The following GOLPH3 variants were observed in gnomAD, a reference collection of about 807,000 sequenced individuals.
GOLPH3 encodes coat protein GPP34.
A neutral mutation model predicts 28.5 loss-of-function variants in GOLPH3; 14 were observed. The ratio of observed to expected loss-of-function variants is 0.49; its 90% CI spans 0.32 to 0.77. GOLPH3 has a LOEUF of 0.77. Among genes scored for constraint, GOLPH3 ranks in the 30% least tolerant of loss-of-function variants. The pLI is 0.03. For synonymous variants in GOLPH3, 158 were observed against 159.2 expected, an observed-to-expected ratio of 0.99 and a Z score of 0.06; for missense variants, 350 against 393.7, an observed-to-expected ratio of 0.89 and a Z score of 0.94.
intron 3 of GOLPH3, among the ~76,000 whole-genome samples, chr5:32,134,510 A>AAAAAT (rs1745891069): frequency 6.6e-6 from 1 of 150,808 alleles, no homozygotes; most frequent in Non-Finnish European, 1.5e-5. Context: ...TGCCTGGCCA[A>AAAAAT]AAAATAAAAT....
chr5:32,126,608 A>C lies in GOLPH3; in HGVS notation c.501T>G (p.His167Gln), dbSNP rs770605043. ...SGETWNPLKL[H>Q]YQLRNVRERL... Reference sequence around the variant, plus strand: ...GTTCCCGTACATTTCTTAACTGATAATGCAATTTTAATGGATTCCATGTCT... The same window carrying C: ...GTTCCCGTACATTTCTTAACTGATACTGCAATTTTAATGGATTCCATGTCT... Residue 167 changes from histidine (H) to glutamine (Q), a missense_variant, in exon 4 of 4, where the codon CAT becomes CAG. Physicochemically the swap from His to Gln is conservative, Grantham distance 24 (BLOSUM62 0). Coordinates refer to ENST00000265070, the MANE Select transcript of GOLPH3 (RefSeq NM_022130.4). 9 of 1,613,232 alleles carry C rather than the reference A, an allele frequency of 5.6e-6. No homozygotes were observed. The South Asian group carries it at 8.8e-5, about 16-fold the overall frequency.
At chr5:32,167,733 T>C (rs1746747854) in intron 1 of GOLPH3, among the ~76,000 whole-genome samples, 1 of 152,154 alleles carries the variant, frequency 6.6e-6, no homozygotes, top group South Asian at 2.1e-4. Context: ...GGAAGATTGC[T>C]TGAGGCCAGG....
At chr5:32,163,856 T>G (rs560641435) in intron 1 of GOLPH3, among the ~76,000 whole-genome samples, 1 of 152,280 alleles carries the variant, frequency 6.6e-6, no homozygotes, top group African/African-American at 2.4e-5. Context: ...GAACTGAAAT[T>G]TAAGTTCTTA....
intron 1 of GOLPH3, among the ~76,000 whole-genome samples, chr5:32,146,117 C>A (rs1746176315): frequency 6.6e-6 from 1 of 151,860 alleles, no homozygotes; most frequent in Non-Finnish European, 1.5e-5. Context: ...TGGTGAAACC[C>A]CATCTCTACA....
intron 1 of GOLPH3, among the ~76,000 whole-genome samples, chr5:32,157,744 A>C (rs773532600): frequency 6.6e-6 from 1 of 152,168 alleles, no homozygotes; most frequent in African/African-American, 2.4e-5. Context: ...TGGGAGGCTA[A>C]GGCGGGTGGA....
chr5:32,158,132 TACACAC>T (rs70961610), intron 1 of GOLPH3, among the ~76,000 whole-genome samples: 1,504 of 33,652 alleles, frequency 0.045, 92 homozygotes, highest in Admixed American at 0.064. Context: ...ATAAATAAAA[TACACAC>T]ACACACACAC....
At position 32,174,020 on chromosome 5, in the gene GOLPH3, G is replaced by A; in HGVS notation, c.15C>T (p.Thr5=). The change falls in exon 1 of 4, where the codon ACC becomes ACT. Residue 5 remains threonine (T), a synonymous_variant. Coordinates refer to ENST00000265070, the MANE Select transcript of GOLPH3 (RefSeq NM_022130.4). The part of the protein sequence containing the change: MTSL[T]QRSSGLVQRR... ...GCTGCACCAGGCCGGAGCTGCGCTG[G>A]GTCAGCGAGGTCATGGCTCCCGCCG... 7.7e-7 allele frequency: 1 copy of A among 1,297,690 alleles called. No homozygotes were observed. Among genetic ancestry groups the A allele is most frequent in the Non-Finnish European group, 9.7e-7 (1 of 1,031,078 alleles). 80.4% of individuals were successfully genotyped at this position (1,297,690 alleles called of 1,614,324 possible).
At chr5:32,137,373 C>A (rs758064229) in intron 2 of GOLPH3, among the ~76,000 whole-genome samples, 1 of 151,814 alleles carries the variant, frequency 6.6e-6, no homozygotes, top group South Asian at 2.1e-4. Flanking sequence ...AAAAGCTACA[C>A]TGAGGCTGGA....
At position 32,126,459 on chromosome 5, in the gene GOLPH3, A is replaced by AC; in HGVS notation, c.649dup (p.Val217GlyfsTer7). 6.2e-7 allele frequency: 1 copy of AC among 1,614,174 alleles called. No individual in the cohort carries two copies. Among genetic ancestry groups the AC allele is most frequent in the East Asian group, 2.2e-5 (1 of 44,882 alleles). ...CCATTTGTCAAGAACGGCTTCCTGT[A>AC]CTTTCTTGATGAGGCGCTGCTTAAT... On this transcript the variant is annotated frameshift_variant, in exon 4 of 4. Coordinates refer to ENST00000265070, the MANE Select transcript of GOLPH3 (RefSeq NM_022130.4). LOFTEE classifies it high-confidence loss of function.
chr5:32,148,475 A>G (rs539995296), intron 1 of GOLPH3, among the ~76,000 whole-genome samples: 16 of 152,194 alleles, frequency 1.1e-4, no homozygotes, highest in Non-Finnish European at 1.9e-4. Flanking sequence ...TTCTGGTGTG[A>G]CCAATGTTTT....
At position 32,124,989 on chromosome 5, in the gene GOLPH3, T is replaced by C. The variant is rs1438581708; in HGVS notation, c.*1223A>G. The C allele has an allele frequency of 6.6e-6, 1 of 152,584 alleles. No homozygotes were observed. The highest frequency in any genetic ancestry group is 1.5e-5 in the Non-Finnish European group (1 of 68,020). 9.5% of individuals were successfully genotyped at this position (152,584 alleles called of 1,614,324 possible). ...ATGATACAATAAAGTGATAAAGAAATAGTAAAAATAAACTTTAAAAAGCAA... is the reference window on the plus strand; with the variant it reads ...ATGATACAATAAAGTGATAAAGAAACAGTAAAAATAAACTTTAAAAAGCAA... On this transcript the variant is annotated 3_prime_UTR_variant, in exon 4 of 4. Transcript: ENST00000265070.
At chr5:32,130,699 C>CA (rs1007682583) in intron 3 of GOLPH3, among the ~76,000 whole-genome samples, 8 of 151,752 alleles carry the variant, frequency 5.3e-5, no homozygotes, top group South Asian at 2.1e-4. Flanking sequence ...ACTCCCCACC[C>CA]AAAAAAAACA....
chr5:32,149,052 C>G (rs1389763169), intron 1 of GOLPH3, among the ~76,000 whole-genome samples: 1 of 152,152 alleles, frequency 6.6e-6, no homozygotes, highest in African/African-American at 2.4e-5. Flanking sequence ...AAGTCTCCCT[C>G]CTGAGTATCT....
chr5:32,172,725 A>G (rs1746868550), intron 1 of GOLPH3, among the ~76,000 whole-genome samples: 1 of 150,770 alleles, frequency 6.6e-6, no homozygotes, highest in South Asian at 2.1e-4. Context: ...ACACAAAATT[A>G]GCCGGGCATG....
chr5:32,143,772 G>A lies in GOLPH3; in HGVS notation c.334C>T (p.Arg112Cys), dbSNP rs201369470. The change falls in exon 2 of 4, where the codon CGT (arginine) becomes TGT (cysteine). Residue 112 changes from arginine (R) to cysteine (C), a missense_variant. Transcript: ENST00000265070. Reference protein sequence around the residue: ...RLQLEACGMRRKSLLTRKVIC... With the variant: ...RLQLEACGMRCKSLLTRKVIC... The stretch of plus-strand genomic sequence containing the variant: ...ACCTTTCTTGTTAATAGACTTTTAC[G>A]TCTCATTCCACAAGCCTCTAGTTGT... The A allele has an allele frequency of 3.5e-5, 56 of 1,605,292 alleles. No homozygotes were observed. The highest frequency in any genetic ancestry group is 3.3e-4 in the Middle Eastern group (2 of 6,044).
chr5:32,125,044 C>T lies in GOLPH3; in HGVS notation c.*1168G>A, dbSNP rs1173007704. ...TTATAGTCTGACAATGCTAATTATC[C>T]TAATTGTATATAAAAAATTAAAACA... On this transcript the variant is annotated 3_prime_UTR_variant, in exon 4 of 4. Coordinates refer to ENST00000265070, the MANE Select transcript of GOLPH3 (RefSeq NM_022130.4). 6.6e-6 allele frequency: 1 copy of T among 152,514 alleles called. No individual in the cohort carries two copies. Among genetic ancestry groups the T allele is most frequent in the Non-Finnish European group, 1.5e-5 (1 of 68,028 alleles). 9.4% of individuals were successfully genotyped at this position (152,514 alleles called of 1,614,324 possible). A position where few individuals can be genotyped will look rare whatever the true frequency, so the allele number is the denominator to read the frequency against.
chr5:32,127,802 G>T (rs939075050), intron 3 of GOLPH3, among the ~76,000 whole-genome samples: 4 of 152,156 alleles, frequency 2.6e-5, no homozygotes, highest in African/African-American at 9.7e-5. Flanking sequence ...CCCTCTCATT[G>T]TAATTAGAAA....
At chr5:32,147,983 A>G (rs1298117639) in intron 1 of GOLPH3, among the ~76,000 whole-genome samples, 2 of 152,230 alleles carry the variant, frequency 1.3e-5, no homozygotes, top group Non-Finnish European at 2.9e-5. Flanking sequence ...ACCCCTGGCA[A>G]TTAGTAATTA....
chr5:32,146,052 G>C (rs1746174055), intron 1 of GOLPH3, among the ~76,000 whole-genome samples: 4 of 152,084 alleles, frequency 2.6e-5, no homozygotes, highest in Admixed American at 1.3e-4. Flanking sequence ...AGCACTTCGG[G>C]AGGCAGAGGC....
Sources: gnomAD v4.1 joint callset for allele counts (sites outside exome capture counted in the v4.1 genomes callset) on GRCh38, gnomAD v4.1.1 for gene constraint, MANE v1.5 for transcripts, NCBI Gene and HGNC (gene_info 2026-07-23, HGNC 2026-07-21) for gene names.